The following CHD2 variants were observed in gnomAD, a reference collection of about 807,000 sequenced individuals.
CHD2 encodes the protein chromodomain helicase DNA binding protein 2, also known as ATP-dependent chromatin remodeler CHD2.
Under a neutral mutation model 243.9 loss-of-function variants are expected in CHD2, and 28 were observed. The ratio of observed to expected loss-of-function variants is 0.11; its 90% CI spans 0.09 to 0.16. The LOEUF (loss-of-function observed/expected upper bound fraction) is 0.16. Ranked by LOEUF, CHD2 falls within the 10% of genes least tolerant of loss-of-function variation. The pLI is 1.00. For missense variants in CHD2, 1,386 were observed against 2,209.8 expected, an observed-to-expected ratio of 0.63 and a Z score of 7.47; for synonymous variants, 775 against 779.0, an observed-to-expected ratio of 0.99 and a Z score of 0.09.
At chr15:92,905,482 G>A (rs1232586501) in intron 2 of CHD2, among the ~76,000 whole-genome samples, 1 of 152,166 alleles carries the variant, frequency 6.6e-6, no homozygotes, top group Non-Finnish European at 1.5e-5. Flanking sequence ...TTAGCAGTTG[G>A]AGTAGGCTGT....
intron 21 of CHD2, 32 bp downstream of exon 21, chr15:92,978,415 T>C: frequency 2.5e-6 from 4 of 1,603,178 alleles, no homozygotes; most frequent in Non-Finnish European, 2.6e-6. Flanking sequence ...GAAATTGCTT[T>C]AGGGTTGGGG....
chr15:93,019,750 A>G (rs1304124179), intron 37 of CHD2, among the ~76,000 whole-genome samples: 2 of 152,178 alleles, frequency 1.3e-5, no homozygotes, highest in Non-Finnish European at 2.9e-5. Context: ...CCTAGCCAAC[A>G]TGGTGAAACC....
At chr15:93,023,953 T>C (rs2054563769) in intron 38 of CHD2, among the ~76,000 whole-genome samples, 1 of 152,036 alleles carries the variant, frequency 6.6e-6, no homozygotes, top group South Asian at 2.1e-4. Context: ...CTCTTCACAC[T>C]GAGTTGGTTT....
At chr15:92,955,767 G>A (rs1049850223) in intron 15 of CHD2, among the ~76,000 whole-genome samples, 1 of 152,186 alleles carries the variant, frequency 6.6e-6, no homozygotes, top group Admixed American at 6.5e-5. Context: ...GAACCCTATA[G>A]ATGAGGGGAC....
chr15:93,007,117 C>T (rs2054331629), intron 34 of CHD2, among the ~76,000 whole-genome samples: 1 of 152,198 alleles, frequency 6.6e-6, no homozygotes, highest in South Asian at 2.1e-4. Context: ...TTATTAGATA[C>T]TCGAGTTCCT....
At chr15:92,991,011 AT>A (rs1234394304) in intron 26 of CHD2, among the ~76,000 whole-genome samples, 7 of 152,362 alleles carry the variant, frequency 4.6e-5, no homozygotes, top group African/African-American at 1.7e-4. Context: ...AGTCAAAAAA[AT>A]CTTAACAGCT....
At position 93,026,969 on chromosome 15, in the gene CHD2, T is replaced by C. The variant is rs971161978; in HGVS notation, c.*2264T>C. 1.3e-5 allele frequency: 2 copies of C among 152,614 alleles called. No homozygotes were observed. The highest frequency in any genetic ancestry group is 2.4e-5 in the African/African-American group (1 of 41,440). The allele number at this position is 152,614 out of a possible 1,614,324, so 9.5% of individuals were successfully genotyped here. A position where few individuals can be genotyped will look rare whatever the true frequency, so the allele number is the denominator to read the frequency against. On this transcript the variant is annotated 3_prime_UTR_variant, in exon 39 of 39. Transcript: ENST00000394196. ...AGGAGATGTGAGTTATGCCCAGAGA[T>C]GTCTTATCGTGAGGAAAAAGAAACT...
intron 26 of CHD2, 100 bp downstream of exon 26, chr15:92,985,773 T>C: frequency 8.3e-7 from 1 of 1,200,366 alleles, no homozygotes; most frequent in Non-Finnish European, 1.1e-6. Context: ...AGGCAGAGGC[T>C]AATACCTACA....
At chr15:92,908,366 A>G (rs1185537407) in intron 2 of CHD2, among the ~76,000 whole-genome samples, 1 of 152,210 alleles carries the variant, frequency 6.6e-6, no homozygotes, top group Non-Finnish European at 1.5e-5. Flanking sequence ...CGAACATGCA[A>G]GTCTGCTTAA....
intron 5 of CHD2, among the ~76,000 whole-genome samples, chr15:92,935,489 C>T (rs1489973144): frequency 6.6e-6 from 1 of 152,150 alleles, no homozygotes; most frequent in African/African-American, 2.4e-5. Flanking sequence ...ATTGGTGGCC[C>T]TGGTTTAGGT....
rs1426229788 is a variant in CHD2, at chr15:92,979,301, T to G, written c.2876+18T>G. ...AGGTCCAAGTAAGTGCCAGGAAGAT[T>G]GGGAGGTAGGCAGAATCAAATTGAT... On this transcript the variant is annotated intron_variant, in intron 22 of 38. Transcript: ENST00000394196. 3.7e-6 allele frequency: 6 copies of G among 1,611,842 alleles called. No individual in the cohort carries two copies. Among genetic ancestry groups the G allele is most frequent in the Middle Eastern group, 1.7e-4 (1 of 6,060 alleles).
At chr15:93,003,997 G>A (rs1215756114) in intron 33 of CHD2, among the ~76,000 whole-genome samples, 3 of 151,776 alleles carry the variant, frequency 2.0e-5, no homozygotes, top group African/African-American at 7.3e-5. Flanking sequence ...GGTGGCGTGC[G>A]CCTGTAATCT....
chr15:92,996,402 T>C (rs543009487), intron 28 of CHD2, among the ~76,000 whole-genome samples: 29 of 152,084 alleles, frequency 1.9e-4, no homozygotes, highest in African/African-American at 6.7e-4. Context: ...CCTCGTGATC[T>C]GCCTGCCTCA....
At chr15:93,009,411 A>T (rs1363067174) in intron 35 of CHD2, 88 bp downstream of exon 35, 6 of 1,314,210 alleles carry the variant, frequency 4.6e-6, no homozygotes, top group Non-Finnish European at 6.2e-6. Context: ...TGGCATAGCC[A>T]CCTAAGAAAT....
intron 3 of CHD2, 54 bp from the exon 4 acceptor site, chr15:92,927,187 GATA>G (rs930625679): frequency 4.6e-5 from 57 of 1,238,182 alleles, no homozygotes; most frequent in South Asian, 8.9e-5. Flanking sequence ...ATAAACGTTT[GATA>G]ATAATAATGG....
intron 2 of CHD2, among the ~76,000 whole-genome samples, chr15:92,922,275 A>G (rs544545396): frequency 6.6e-6 from 1 of 152,278 alleles, no homozygotes; most frequent in East Asian, 1.9e-4. Context: ...TTTTTTCGTC[A>G]TTCATATGGT....
Position 92,924,497 on chromosome 15 carries a change from C to T in CHD2, c.239C>T (p.Pro80Leu), listed in dbSNP as rs186163798. 569 of 1,614,118 alleles carry T rather than the reference C, an allele frequency of 3.5e-4. No individual in the cohort carries two copies. Among genetic ancestry groups the T allele is most frequent in the Non-Finnish European group, 4.6e-4 (547 of 1,180,014 alleles). The change falls in exon 3 of 39, where the codon CCA (proline) becomes CTA (leucine). Residue 80 changes from proline to leucine, a missense_variant. Pro to Leu is a moderately conservative substitution (Grantham distance 98). This residue lies in a region of CHD2 where 89 missense variants were observed against 102.4 expected (regional missense o/e 0.87). Transcript: ENST00000394196. ...SAGSKSQPVL[P>L]EAKEKPASKK... ...GGTTCCAAATCCCAGCCAGTCCTCC[C>T]AGAAGCCAAAGAGAAGCCAGCCTCT...
At chr15:93,007,087 AG>A (rs1339442259) in intron 34 of CHD2, among the ~76,000 whole-genome samples, 8 of 152,236 alleles carry the variant, frequency 5.3e-5, no homozygotes, top group African/African-American at 1.7e-4. Context: ...GTCATTCATT[AG>A]GTGTACACAT....
At chr15:93,011,452 A>G (rs554743998) in intron 35 of CHD2, among the ~76,000 whole-genome samples, 1 of 152,106 alleles carries the variant, frequency 6.6e-6, no homozygotes, top group Non-Finnish European at 1.5e-5. Context: ...CAGGGAGGGG[A>G]CTGGGTGGTG....
Sources: gnomAD v4.1 joint callset for allele counts (sites outside exome capture counted in the v4.1 genomes callset) on GRCh38, gnomAD v4.1.1 for gene constraint, gnomAD v4.1.1 regional missense constraint, MANE v1.5 for transcripts, NCBI Gene and HGNC (gene_info 2026-07-23, HGNC 2026-07-21) for gene names.